Variants in CDH13 observed in about 807,000 individuals in gnomAD.
CDH13 encodes the protein cadherin-13.
A neutral mutation model predicts 63.8 loss-of-function variants in CDH13; 24 were observed. The observed-to-expected ratio is 0.38, with a 90% CI of 0.27 to 0.53. CDH13 has a LOEUF of 0.53. Among genes scored for constraint, CDH13 ranks in the 20% least tolerant of loss-of-function variants. The probability of loss-of-function intolerance (pLI) is 0.85; values close to 1 mark genes in which losing one functional copy is unlikely to be tolerated. For missense variants in CDH13, 1,049 were observed against 903.1 expected, an observed-to-expected ratio of 1.16 and a Z score of -2.07; for synonymous variants, 503 against 355.3, an observed-to-expected ratio of 1.42 and a Z score of -4.67.
At chr16:83,418,886 C>G (rs966479568) in intron 6 of CDH13, among the ~76,000 whole-genome samples, 3 of 152,020 alleles carry the variant, frequency 2.0e-5, no homozygotes, top group Non-Finnish European at 4.4e-5. Flanking sequence ...AGTTGCAGGC[C>G]CATTTGGTAA....
At chr16:83,093,553 C>T (rs1441823225) in intron 3 of CDH13, among the ~76,000 whole-genome samples, 1 of 151,992 alleles carries the variant, frequency 6.6e-6, no homozygotes, top group East Asian at 1.9e-4. Context: ...CTCCTGACCT[C>T]AGGTGATCCA....
chr16:83,611,038 C>G (rs1053431228), intron 8 of CDH13, among the ~76,000 whole-genome samples: 3 of 152,098 alleles, frequency 2.0e-5, no homozygotes, highest in African/African-American at 7.2e-5. Flanking sequence ...ATTTGTATTT[C>G]TCTGGTGGCT....
Position 83,406,967 on chromosome 16 carries a change from T to C in CDH13, c.781+61961T>C, listed in dbSNP as rs186635534. Among the ~76,000 whole-genome samples the C allele has an allele frequency of 2.2e-4, 33 of 152,384 alleles. No homozygotes were observed. In the East Asian group the frequency reaches 5.4e-3, roughly 25 times the overall value. On this transcript the variant is annotated intron_variant, in intron 6 of 13. Coordinates refer to ENST00000567109, the MANE Select transcript of CDH13 (RefSeq NM_001257.5). Reference sequence around the variant, plus strand: ...GTTTATGACTATTACATCATAGTAATTGCTTTCTAAAAAGTAACTTAATGA... The same window carrying C: ...GTTTATGACTATTACATCATAGTAACTGCTTTCTAAAAAGTAACTTAATGA...
intron 7 of CDH13, among the ~76,000 whole-genome samples, chr16:83,495,944 A>T (rs956657351): frequency 6.6e-6 from 1 of 152,034 alleles, no homozygotes; most frequent in African/African-American, 2.4e-5. Flanking sequence ...TAGGAATCCA[A>T]CTGACAAGGG....
chr16:83,764,333 G>C (rs952316921), intron 11 of CDH13, among the ~76,000 whole-genome samples: 1 of 152,182 alleles, frequency 6.6e-6, no homozygotes, highest in African/African-American at 2.4e-5. Flanking sequence ...CATGGAGCTT[G>C]TCTCTGGCTG....
intron 6 of CDH13, among the ~76,000 whole-genome samples, chr16:83,403,275 C>G (rs551034727): frequency 6.6e-6 from 1 of 152,300 alleles, no homozygotes; most frequent in Admixed American, 6.5e-5. Flanking sequence ...TGACTCACCA[C>G]TTCCTAGAAT....
chr16:83,492,774 A>T (rs543947095), intron 7 of CDH13, among the ~76,000 whole-genome samples: 2 of 152,162 alleles, frequency 1.3e-5, no homozygotes, highest in Non-Finnish European at 2.9e-5. Flanking sequence ...GGGGAAGGCC[A>T]GGGTCTTTAT....
rs184630437 is a variant in CDH13, at chr16:83,767,373, A to G, written c.1682-12595A>G. On this transcript the variant is annotated intron_variant, in intron 11 of 13. Coordinates refer to ENST00000567109, the MANE Select transcript of CDH13 (RefSeq NM_001257.5). ...TAGCGAATAAGTCTCAAGAGATCTGATAGTTATATAAACGGGAGTTCTCCT... is the reference window on the plus strand; with the variant it reads ...TAGCGAATAAGTCTCAAGAGATCTGGTAGTTATATAAACGGGAGTTCTCCT... Among the ~76,000 whole-genome samples, 3 of 152,268 alleles carry G rather than the reference A, an allele frequency of 2.0e-5. No homozygotes were observed. The East Asian group carries it at 5.8e-4, about 29-fold the overall frequency.
At chr16:83,529,847 G>A (rs1358752458) in intron 7 of CDH13, among the ~76,000 whole-genome samples, 4 of 152,140 alleles carry the variant, frequency 2.6e-5, no homozygotes, top group Non-Finnish European at 5.9e-5. Context: ...GAGCGCTAAT[G>A]TTTTTCTTAC....
At chr16:83,125,534 T>G (rs1181791043) in intron 4 of CDH13, 33 bp downstream of exon 4, 1 of 1,185,858 alleles carries the variant, frequency 8.4e-7, no homozygotes, top group Non-Finnish European at 1.3e-6. Flanking sequence ...GACAAAAACA[T>G]GTTTTTATGA....
At chr16:82,969,270 A>T (rs1289042334) in intron 2 of CDH13, among the ~76,000 whole-genome samples, 1 of 152,152 alleles carries the variant, frequency 6.6e-6, no homozygotes, top group African/African-American at 2.4e-5. Context: ...CTGCTACTGT[A>T]TATCTAATGG....
At chr16:83,325,037 C>A (rs991727697) in intron 5 of CDH13, among the ~76,000 whole-genome samples, 6 of 152,186 alleles carry the variant, frequency 3.9e-5, no homozygotes, top group Non-Finnish European at 8.8e-5. Flanking sequence ...CTGTCTCCCT[C>A]CTCTTCCCCA....
In CDH13 at chr16:82,674,526, G is replaced by A. The variant is rs762583847; in HGVS notation, c.45+47389G>A. 3.3e-5 allele frequency among the ~76,000 whole-genome samples: 5 copies of A among 152,352 alleles called. No homozygotes were observed. The South Asian group carries it at 8.3e-4, about 25-fold the overall frequency. On this transcript the variant is annotated intron_variant, in intron 1 of 13. Transcript: ENST00000567109. ...TTAACCACAGCAGGGGCAAGTGCCT[G>A]AGTTGAAAATGTCTTCATCCTTGTA... is the stretch of plus-strand genomic sequence containing the variant.
chr16:82,896,195 T>TGTATTTCCA (rs2041250500), intron 2 of CDH13, among the ~76,000 whole-genome samples: 1 of 150,982 alleles, frequency 6.6e-6, no homozygotes, highest in South Asian at 2.1e-4. Flanking sequence ...TGTTAACGGG[T>TGTATTTCCA]GTATTTCCAG....
chr16:82,827,555 G>A (rs1302674040), intron 1 of CDH13, among the ~76,000 whole-genome samples: 1 of 152,146 alleles, frequency 6.6e-6, no homozygotes, highest in Non-Finnish European at 1.5e-5. Context: ...GGAGTATACT[G>A]TGGACTAGAG....
At chr16:83,697,923 C>G (rs1296886131) in intron 10 of CDH13, among the ~76,000 whole-genome samples, 4 of 152,244 alleles carry the variant, frequency 2.6e-5, no homozygotes, top group Admixed American at 2.6e-4. Flanking sequence ...GCTGGGATTA[C>G]AGGCGTGAGC....
rs116278277 is a variant in CDH13, at chr16:82,861,706, C to T, written c.157+3233C>T. ...CATCTTTCTCTCAGTTGTTCTGAAG[C>T]CTTTTATTTGCTTCACATCTGAATC... On this transcript the variant is annotated intron_variant, in intron 2 of 13. Transcript: ENST00000567109. 4.0e-3 allele frequency among the ~76,000 whole-genome samples: 605 copies of T among 152,308 alleles called. 2 individuals are homozygous for T. The highest frequency in any genetic ancestry group is 0.014 in the African/African-American group (569 of 41,570).
At chr16:83,066,470 A>G (rs540331718) in intron 3 of CDH13, among the ~76,000 whole-genome samples, 1 of 152,302 alleles carries the variant, frequency 6.6e-6, no homozygotes, top group South Asian at 2.1e-4. Flanking sequence ...GACCTCCTGA[A>G]GTCATCAACC....
chr16:83,670,141 G>C (rs571536318), intron 8 of CDH13, among the ~76,000 whole-genome samples: 4 of 152,272 alleles, frequency 2.6e-5, no homozygotes, highest in African/African-American at 9.6e-5. Flanking sequence ...TATTAAAACT[G>C]GATATGGAGT....
Sources: allele counts gnomAD v4.1 joint callset (sites outside exome capture counted in the v4.1 genomes callset), GRCh38; gene constraint gnomAD v4.1.1; transcripts MANE v1.5; gene names NCBI Gene and HGNC (gene_info 2026-07-23, HGNC 2026-07-21).